ARL8B: variants seen among roughly 807,000 people sequenced by gnomAD.
ARL8B encodes ARF like GTPase 8B, also known as ADP-ribosylation factor-like protein 8B.
A neutral mutation model predicts 30.6 loss-of-function variants in ARL8B; 9 were observed. The observed-to-expected ratio is 0.29, with a 90% CI of 0.18 to 0.51. The LOEUF (loss-of-function observed/expected upper bound fraction) is 0.51, where lower values mean the gene tolerates loss of function less well. Ranked by LOEUF, ARL8B falls within the 20% of genes least tolerant of loss-of-function variation. The pLI is 0.97. For missense variants in ARL8B, 130 were observed against 227.2 expected (o/e 0.57, Z 2.75); for synonymous variants, 74 against 76.0 (o/e 0.97, Z 0.14).
chr3:5,134,099 T>TGG (rs2054305735), intron 1 of ARL8B, among the ~76,000 whole-genome samples: 1 of 127,036 alleles, frequency 7.9e-6, no homozygotes, highest in Non-Finnish European at 1.6e-5. Context: ...AATTTTGTCT[T>TGG]CAGGAGTATA....
At chr3:5,170,736 T>C (rs1180431008) in intron 2 of ARL8B, 153 bp downstream of exon 2, 3 of 591,740 alleles carry the variant, frequency 5.1e-6, no homozygotes, top group African/African-American at 3.9e-5. Context: ...TGTTGTTTTT[T>C]TGTTTTTTTT....
intron 1 of ARL8B, among the ~76,000 whole-genome samples, chr3:5,131,023 C>T (rs1308575094): frequency 6.6e-6 from 1 of 152,032 alleles, no homozygotes; most frequent in Admixed American, 6.6e-5. Context: ...AGTGATTCTC[C>T]TGCCTCAGCC....
At chr3:5,128,436 C>T (rs982350573) in intron 1 of ARL8B, 3 of 453,376 alleles carry the variant, frequency 6.6e-6, no homozygotes, top group Non-Finnish European at 1.3e-5. Context: ...CATCCCCGCT[C>T]CAATTATTTG....
At chr3:5,157,226 A>T (rs1005359766) in intron 1 of ARL8B, among the ~76,000 whole-genome samples, 9 of 152,270 alleles carry the variant, frequency 5.9e-5, no homozygotes, top group South Asian at 4.1e-4. Flanking sequence ...TCTACCTTAT[A>T]GTTTAGTTCT....
intron 1 of ARL8B, chr3:5,128,488 C>T: frequency 4.4e-6 from 2 of 454,700 alleles, no homozygotes; most frequent in Non-Finnish European, 8.8e-6. Context: ...CAAATGTTCT[C>T]ATTAAGAAGC....
intron 1 of ARL8B, among the ~76,000 whole-genome samples, chr3:5,152,187 G>A (rs541499362): frequency 6.6e-5 from 10 of 152,310 alleles, no homozygotes; most frequent in African/African-American, 2.2e-4. Context: ...TGAGAGGAAT[G>A]TTGAAATCTC....
intron 1 of ARL8B, among the ~76,000 whole-genome samples, chr3:5,126,953 T>C (rs538941763): frequency 1.3e-5 from 2 of 152,358 alleles, no homozygotes; most frequent in East Asian, 1.9e-4. Flanking sequence ...ATAAATCTTA[T>C]GGACATTATG....
At chr3:5,125,549 T>A (rs1440331186) in intron 1 of ARL8B, among the ~76,000 whole-genome samples, 1 of 151,764 alleles carries the variant, frequency 6.6e-6, no homozygotes, top group African/African-American at 2.4e-5. Context: ...TTTTTTTTTT[T>A]TGAGACGGAG....
intron 2 of ARL8B, among the ~76,000 whole-genome samples, chr3:5,171,844 G>T (rs2054679235): frequency 6.6e-6 from 1 of 152,224 alleles, no homozygotes; most frequent in South Asian, 2.1e-4. Flanking sequence ...TTATCATAAA[G>T]ACATATGTTT....
chr3:5,157,571 C>T (rs1036947247), intron 1 of ARL8B, among the ~76,000 whole-genome samples: 51 of 152,302 alleles, frequency 3.3e-4, no homozygotes, highest in African/African-American at 1.2e-3. Context: ...AGTTAGACCA[C>T]AGTTTTCTGG....
intron 1 of ARL8B, among the ~76,000 whole-genome samples, chr3:5,150,318 C>T (rs1181703786): frequency 2.0e-5 from 3 of 151,776 alleles, no homozygotes; most frequent in East Asian, 1.9e-4. Context: ...CAAAAATTAG[C>T]CAGGCGTGGT....
intron 1 of ARL8B, among the ~76,000 whole-genome samples, chr3:5,152,753 TGGAATTACA>T (rs1420625545): frequency 6.6e-6 from 1 of 152,242 alleles, no homozygotes; most frequent in Non-Finnish European, 1.5e-5. Flanking sequence ...CTGAAAGTGC[TGGAATTACA>T]GGCATGAGCC....
At chr3:5,132,879 C>G (rs1304919650) in intron 1 of ARL8B, among the ~76,000 whole-genome samples, 3 of 152,184 alleles carry the variant, frequency 2.0e-5, no homozygotes, top group African/African-American at 7.2e-5. Flanking sequence ...GAATTCTCCC[C>G]TGACCCACCC....
At chr3:5,140,994 C>T (rs2054368689) in intron 1 of ARL8B, among the ~76,000 whole-genome samples, 1 of 152,212 alleles carries the variant, frequency 6.6e-6, no homozygotes, top group Non-Finnish European at 1.5e-5. Context: ...AGTCCCTCCC[C>T]CAGCTCCTCA....
Position 5,138,439 on chromosome 3 carries a change from T to C in ARL8B, c.123+15851T>C, listed in dbSNP as rs574788445. Among the ~76,000 whole-genome samples, 9 of 152,310 alleles carry C rather than the reference T, an allele frequency of 5.9e-5. No homozygotes were observed. In the East Asian group the frequency reaches 1.7e-3, roughly 29 times the overall value. On this transcript the variant is annotated intron_variant, in intron 1 of 6. Transcript: ENST00000256496. ...GTTCAAATTCCAGTTTTGCCACTAT[T>C]TAGCTGTGTGTATGTGACCTTGTGA...
At position 5,178,805 on chromosome 3, in the gene ARL8B, T is replaced by C; in HGVS notation, c.*92T>C. The C allele has an allele frequency of 6.3e-7, 1 of 1,588,604 alleles. No individual in the cohort carries two copies. Among genetic ancestry groups the C allele is most frequent in the Non-Finnish European group, 8.5e-7 (1 of 1,171,950 alleles). On this transcript the variant is annotated 3_prime_UTR_variant, in exon 7 of 7. Transcript: ENST00000256496. ...GTAATTCCCAGAATACGGTCCTTCCTAAACCCCAGAAATTGCCTTTTTCAG... is the reference window on the plus strand; with the variant it reads ...GTAATTCCCAGAATACGGTCCTTCCCAAACCCCAGAAATTGCCTTTTTCAG...
intron 1 of ARL8B, among the ~76,000 whole-genome samples, chr3:5,159,594 C>G (rs1054165748): frequency 1.1e-5 from 1 of 89,454 alleles, no homozygotes; most frequent in Non-Finnish European, 2.0e-5. Context: ...AAGAATGAAA[C>G]TCCGTCTCAA....
chr3:5,144,547 T>C (rs570115123), intron 1 of ARL8B, among the ~76,000 whole-genome samples: 19 of 152,342 alleles, frequency 1.2e-4, no homozygotes, highest in South Asian at 4.1e-4. Context: ...AGGGGTTTAC[T>C]TATTTCTCTC....
intron 1 of ARL8B, among the ~76,000 whole-genome samples, chr3:5,129,812 G>A (rs1013706605): frequency 2.0e-5 from 3 of 152,186 alleles, no homozygotes; most frequent in Admixed American, 2.0e-4. Flanking sequence ...GAAGCCAGGA[G>A]TTGAAGACCA....
Sources: gnomAD v4.1 joint callset for allele counts (sites outside exome capture counted in the v4.1 genomes callset) on GRCh38, gnomAD v4.1.1 for gene constraint, MANE v1.5 for transcripts, NCBI Gene and HGNC (gene_info 2026-07-23, HGNC 2026-07-21) for gene names.